The following TSHZ3 variants were observed in gnomAD, a reference collection of about 807,000 sequenced individuals.
TSHZ3 encodes teashirt zinc finger homeobox 3, also known as teashirt homolog 3.
TSHZ3 carries 10 observed loss-of-function variants against 64.5 expected under a neutral mutation model. That is an observed-to-expected ratio of 0.16 (90% CI 0.10 to 0.26). The LOEUF (loss-of-function observed/expected upper bound fraction) is 0.26. Among genes scored for constraint, TSHZ3 ranks in the 10% least tolerant of loss-of-function variants. TSHZ3 has a pLI of 1.00. For missense variants in TSHZ3, 1,242 were observed against 1,421.7 expected (o/e 0.87, Z 2.03); for synonymous variants, 608 against 593.1 (o/e 1.03, Z -0.36).
intron 1 of TSHZ3, among the ~76,000 whole-genome samples, chr19:31,244,142 C>G (rs1488804437): frequency 6.6e-6 from 1 of 151,994 alleles, no homozygotes; most frequent in African/African-American, 2.4e-5. Context: ...GTGTCTGCAC[C>G]CAGATCTCAT....
chr19:31,233,808 G>C (rs189319427), intron 3 of TSHZ3, among the ~76,000 whole-genome samples: 2 of 152,002 alleles, frequency 1.3e-5, no homozygotes, highest in African/African-American at 4.8e-5. Flanking sequence ...CAGACACCTA[G>C]TTCTTGTAGC....
At chr19:31,174,688 T>A (rs1974583583) in intron 5 of TSHZ3, among the ~76,000 whole-genome samples, 1 of 152,212 alleles carries the variant, frequency 6.6e-6, no homozygotes, top group Non-Finnish European at 1.5e-5. Context: ...AAATACTGAA[T>A]AAATGAAAAC....
intron 5 of TSHZ3, among the ~76,000 whole-genome samples, chr19:31,181,763 CT>C (rs372146410): frequency 6.6e-6 from 1 of 152,020 alleles, no homozygotes; most frequent in African/African-American, 2.4e-5. Flanking sequence ...TGGCCTTCTG[CT>C]TTTTTTTGTT....
At chr19:31,338,025 C>T (rs1457209826) in intron 1 of TSHZ3, among the ~76,000 whole-genome samples, 1 of 152,226 alleles carries the variant, frequency 6.6e-6, no homozygotes, top group Non-Finnish European at 1.5e-5. Flanking sequence ...AATAAAGTCA[C>T]ATATTTAATA....
At chr19:31,150,933 C>A (rs761198772) in exon 7 of TSHZ3, among the ~76,000 whole-genome samples, 2 of 152,078 alleles carry the variant, frequency 1.3e-5, no homozygotes, top group Non-Finnish European at 2.9e-5. Context: ...CAGAGGCCAC[C>A]AAGGAGAAGA....
At chr19:31,291,521 A>G (rs932966443) in intron 1 of TSHZ3, among the ~76,000 whole-genome samples, 8 of 152,194 alleles carry the variant, frequency 5.3e-5, no homozygotes, top group African/African-American at 1.9e-4. Context: ...CTCTCTTCCA[A>G]TGCCTTCTGG....
chr19:31,168,268 A>G (rs1247454759), intron 5 of TSHZ3, among the ~76,000 whole-genome samples: 1 of 152,198 alleles, frequency 6.6e-6, no homozygotes, highest in Non-Finnish European at 1.5e-5. Context: ...CGTACGCACC[A>G]GCCAATCACA....
chr19:31,187,304 A>G (rs1253451380), intron 5 of TSHZ3, among the ~76,000 whole-genome samples: 1 of 152,170 alleles, frequency 6.6e-6, no homozygotes, highest in African/African-American at 2.4e-5. Flanking sequence ...TTCACTCAGC[A>G]TCTCTGAGAT....
upstream of TSHZ3, among the ~76,000 whole-genome samples, chr19:31,350,382 T>C (rs552631182): frequency 4.6e-5 from 7 of 151,502 alleles, no homozygotes; most frequent in South Asian, 2.1e-4. Context: ...TTTCCTCTCC[T>C]GACTTTGGGA....
chr19:31,331,049 A>G (rs1385003106), intron 1 of TSHZ3, among the ~76,000 whole-genome samples: 4 of 152,062 alleles, frequency 2.6e-5, no homozygotes, highest in Non-Finnish European at 5.9e-5. Context: ...GCCCAACCCA[A>G]CGGCAGAGTT....
At chr19:31,173,931 G>A (rs533919142) in intron 5 of TSHZ3, among the ~76,000 whole-genome samples, 6 of 152,310 alleles carry the variant, frequency 3.9e-5, no homozygotes, top group East Asian at 3.9e-4. Context: ...TGAGCTGGGC[G>A]TGGTGGTGTT....
At chr19:31,336,506 G>C (rs1169447661) in intron 1 of TSHZ3, among the ~76,000 whole-genome samples, 1 of 152,190 alleles carries the variant, frequency 6.6e-6, no homozygotes, top group East Asian at 1.9e-4. Context: ...CTTACTCTGA[G>C]CATCTTGACG....
At chr19:31,246,207 C>A (rs998697697) in intron 1 of TSHZ3, among the ~76,000 whole-genome samples, 3 of 152,066 alleles carry the variant, frequency 2.0e-5, no homozygotes, top group African/African-American at 7.2e-5. Context: ...CAAAACACTA[C>A]AATTCTAATT....
Position 31,277,685 on chromosome 19 carries a change from C to T in TSHZ3, c.2108G>A (p.Ser703Asn). 6.5e-7 allele frequency: 1 copy of T among 1,527,116 alleles called. No homozygotes were observed. The highest frequency in any genetic ancestry group is 8.8e-7 in the Non-Finnish European group (1 of 1,139,368). The allele number at this position is 1,527,116 out of a possible 1,614,324, so 94.6% of individuals were successfully genotyped here. ...GTCGGTGATGATGGCCGTGCTGCCA[C>T]TCAAACTGCTGGCTAGGGGCTTCAC... ...ELVKPLASSL[S>N]GSTAIITDHP... Residue 703 changes from serine (S) to asparagine (N), a missense_variant, in exon 2 of 2, where the codon AGT becomes AAT. This residue lies in a region of TSHZ3 where 550 missense variants were observed against 545.1 expected (regional missense o/e 1.01). Transcript: ENST00000240587. The surrounding 1 kb of genome is among the most constrained non-coding windows in gnomAD (Gnocchi z 4.5).
chr19:31,314,373 G>T (rs1414690582), intron 1 of TSHZ3, among the ~76,000 whole-genome samples: 1 of 152,152 alleles, frequency 6.6e-6, no homozygotes, highest in Non-Finnish European at 1.5e-5. Context: ...AAGCCACATG[G>T]GCAGCGGCCG....
At chr19:31,195,065 G>A (rs1434158814) in intron 5 of TSHZ3, among the ~76,000 whole-genome samples, 1 of 151,974 alleles carries the variant, frequency 6.6e-6, no homozygotes, top group African/African-American at 2.4e-5. Flanking sequence ...AAAAAATGGG[G>A]GGGAAGCAGA....
intron 5 of TSHZ3, among the ~76,000 whole-genome samples, chr19:31,184,731 T>TA (rs371227458): frequency 8.0e-4 from 122 of 152,316 alleles, no homozygotes; most frequent in Middle Eastern, 3.4e-3. Flanking sequence ...AGGTATTTGA[T>TA]ATTGAAGTCA....
chr19:31,225,239 C>T (rs1975444411), intron 4 of TSHZ3, among the ~76,000 whole-genome samples: 1 of 152,110 alleles, frequency 6.6e-6, no homozygotes, highest in African/African-American at 2.4e-5. Context: ...GAAGCCTGGC[C>T]CCAGAGTCAG....
At chr19:31,190,159 T>C (rs576181590) in intron 5 of TSHZ3, among the ~76,000 whole-genome samples, 5 of 152,182 alleles carry the variant, frequency 3.3e-5, no homozygotes, top group Non-Finnish European at 7.4e-5. Context: ...AAAGCTTAAA[T>C]GGCTGGAACT....
Sources: allele counts gnomAD v4.1 joint callset (sites outside exome capture counted in the v4.1 genomes callset), GRCh38; gene constraint gnomAD v4.1.1; regional missense constraint gnomAD v4.1.1; non-coding constraint Gnocchi (gnomAD v3.1); transcripts MANE v1.5; gene names NCBI Gene and HGNC (gene_info 2026-07-23, HGNC 2026-07-21).